WDTC1: variants seen among roughly 807,000 people sequenced by gnomAD.
The protein encoded by WDTC1 is WD and tetratricopeptide repeats protein 1.
In WDTC1, 12 loss-of-function variants were observed where a neutral mutation model predicts 76.0. The ratio of observed to expected loss-of-function variants is 0.16; its 90% confidence interval spans 0.10 to 0.26. The LOEUF (loss-of-function observed/expected upper bound fraction) is 0.26. Among genes scored for constraint, WDTC1 ranks in the 10% least tolerant of loss-of-function variants. The pLI is 1.00. For missense variants in WDTC1, 511 were observed against 908.8 expected (o/e 0.56, Z 5.63); for synonymous variants, 326 against 350.8 (o/e 0.93, Z 0.79).
Position 27,276,881 on chromosome 1 carries a change from C to G in WDTC1, c.133-5358C>G, listed in dbSNP as rs182221964. On this transcript the variant is annotated intron_variant, in intron 3 of 15. Coordinates refer to ENST00000319394, the MANE Select transcript of WDTC1 (RefSeq NM_001276252.2). ...GAAATGTCTGTTGAGATGCTTCACT[C>G]ATTTTTTAATTGGGTTGTCCTTTTT... 1.3e-3 allele frequency among the ~76,000 whole-genome samples: 205 copies of G among 151,996 alleles called. 1 individual carries two copies. The East Asian group carries it at 0.017, about 12-fold the overall frequency.
chr1:27,269,028 T>A (rs1025063754), intron 3 of WDTC1, among the ~76,000 whole-genome samples: 2 of 149,088 alleles, frequency 1.3e-5, no homozygotes, highest in Admixed American at 6.7e-5. Flanking sequence ...GATACTTTTT[T>A]AAATTAAAAA....
At chr1:27,288,243 C>A (rs2013400888) in intron 6 of WDTC1, among the ~76,000 whole-genome samples, 1 of 152,204 alleles carries the variant, frequency 6.6e-6, no homozygotes, top group Non-Finnish European at 1.5e-5. Context: ...AGCACCTTCT[C>A]TGACCATCCT....
At chr1:27,264,869 C>T (rs2012610762) in intron 3 of WDTC1, among the ~76,000 whole-genome samples, 1 of 151,930 alleles carries the variant, frequency 6.6e-6, no homozygotes, top group South Asian at 2.1e-4. Flanking sequence ...GTGGTGCCAT[C>T]ATGGCTCACT....
At chr1:27,263,655 C>T (rs1027413369) in intron 3 of WDTC1, among the ~76,000 whole-genome samples, 7 of 152,054 alleles carry the variant, frequency 4.6e-5, no homozygotes, top group African/African-American at 1.4e-4. Flanking sequence ...AGGATGGTCT[C>T]GATCTCCTGA....
intron 1 of WDTC1, among the ~76,000 whole-genome samples, chr1:27,244,599 G>A (rs1022490323): frequency 3.9e-5 from 6 of 152,008 alleles, no homozygotes; most frequent in South Asian, 2.1e-4. Context: ...CTCCTGCCTC[G>A]GTCTCCCAAA....
chr1:27,289,227 GGGT>G, intron 6 of WDTC1, among the ~76,000 whole-genome samples: 1 of 151,624 alleles, frequency 6.6e-6, no homozygotes, highest in South Asian at 2.1e-4. Context: ...TTCCCAGACG[GGGT>G]GGTTGCCGGG....
intron 1 of WDTC1, among the ~76,000 whole-genome samples, chr1:27,249,183 C>T (rs2011951915): frequency 6.6e-6 from 1 of 151,262 alleles, no homozygotes; most frequent in Non-Finnish European, 1.5e-5. Flanking sequence ...GCATGAGAAT[C>T]ACTTGAACCT....
In WDTC1 at chr1:27,301,546, T is replaced by A; in HGVS notation, c.1468+85T>A. On this transcript the variant is annotated intron_variant, in intron 13 of 15. Coordinates refer to ENST00000319394, the MANE Select transcript of WDTC1 (RefSeq NM_001276252.2). The surrounding 1 kb of genome is among the most constrained non-coding windows in gnomAD (Gnocchi z 5.8). ...TTCTGGAGAGGTCATGGTTCTGGGA[T>A]TGGAGAGGCCTGGGTTCAGATGTTG... The A allele has an allele frequency of 6.8e-7, 1 of 1,463,448 alleles. No homozygotes were observed. Among genetic ancestry groups the A allele is most frequent in the Non-Finnish European group, 9.3e-7 (1 of 1,071,504 alleles). The allele number at this position is 1,463,448 out of a possible 1,614,324, so 90.7% of individuals were successfully genotyped here.
chr1:27,252,394 C>T (rs77231721), intron 1 of WDTC1, among the ~76,000 whole-genome samples: 1,929 of 152,084 alleles, frequency 0.013, 23 homozygotes, highest in East Asian at 0.024. Context: ...TCCTCTAGCT[C>T]GAGAAATTTT....
chr1:27,277,196 C>T (rs2013057209), intron 3 of WDTC1, among the ~76,000 whole-genome samples: 1 of 152,084 alleles, frequency 6.6e-6, no homozygotes, highest in Admixed American at 6.6e-5. Flanking sequence ...CCATGCCCAA[C>T]TAAACTTTTT....
Position 27,283,344 on chromosome 1 carries a change from G to T in WDTC1, c.186G>T (p.Leu62=). The change falls in exon 5 of 16, where the codon CTG becomes CTT. Residue 62 remains leucine, a synonymous_variant. Transcript: ENST00000319394. ...CLEWNEKGDL[L]ASGSDDQHTI... ...TCCCTCACTCTGCTTTCAGCTTGCT[G>T]GCCTCTGGTTCCGATGACCAGCACA... 2 of 1,613,714 alleles carry T rather than the reference G, an allele frequency of 1.2e-6. No individual in the cohort carries two copies. Among genetic ancestry groups the T allele is most frequent in the Admixed American group, 3.3e-5 (2 of 60,014 alleles).
At chr1:27,243,962 CAAAAAA>C in intron 1 of WDTC1, among the ~76,000 whole-genome samples, 1 of 122,162 alleles carries the variant, frequency 8.2e-6, no homozygotes, top group African/African-American at 3.1e-5. Flanking sequence ...CCCATCTCTA[CAAAAAA>C]AAAAAAAAAA....
At chr1:27,257,662 A>G (rs1397341207) in intron 1 of WDTC1, among the ~76,000 whole-genome samples, 3 of 152,158 alleles carry the variant, frequency 2.0e-5, no homozygotes, top group African/African-American at 4.8e-5. Flanking sequence ...CTCAGCTGGT[A>G]TTCCTGGTGT....
At chr1:27,286,365 C>T (rs1187572467) in intron 5 of WDTC1, among the ~76,000 whole-genome samples, 1 of 151,508 alleles carries the variant, frequency 6.6e-6, no homozygotes, top group Non-Finnish European at 1.5e-5. Context: ...GATGCTCAGC[C>T]CTTCCCTATT....
chr1:27,279,435 G>T (rs1335150053), intron 3 of WDTC1, among the ~76,000 whole-genome samples: 1 of 152,148 alleles, frequency 6.6e-6, no homozygotes, highest in South Asian at 2.1e-4. Context: ...CTACTCAGGA[G>T]GCTGGGGTGG....
In WDTC1 at chr1:27,292,414, C is replaced by A; in HGVS notation, c.662+17C>A. The A allele has an allele frequency of 6.6e-7, 1 of 1,519,820 alleles. No homozygotes were observed. 94.1% of individuals were successfully genotyped at this position (1,519,820 alleles called of 1,614,324 possible). On this transcript the variant is annotated intron_variant, in intron 7 of 15. Transcript: ENST00000319394. ...TAACCACAGGTATGAATAGTTCAGC[C>A]TCCTGTCTCCTGTGAGTAAGTCCCC...
At chr1:27,238,705 A>G (rs2011544503) in intron 1 of WDTC1, among the ~76,000 whole-genome samples, 1 of 152,132 alleles carries the variant, frequency 6.6e-6, no homozygotes, top group African/African-American at 2.4e-5. Flanking sequence ...AGCTGGAATT[A>G]TAGGCATGTA....
chr1:27,259,258 C>T (rs892504237), intron 1 of WDTC1, among the ~76,000 whole-genome samples: 7 of 151,164 alleles, frequency 4.6e-5, no homozygotes, highest in Non-Finnish European at 7.4e-5. Flanking sequence ...CTCCCGGGCT[C>T]AAGTGATCTT....
At chr1:27,255,975 GTCA>G (rs1176148677) in intron 1 of WDTC1, among the ~76,000 whole-genome samples, 1 of 152,114 alleles carries the variant, frequency 6.6e-6, no homozygotes. Flanking sequence ...CAGCCTAAAT[GTCA>G]TCTTCTCAGA....
Sources: allele counts gnomAD v4.1 joint callset (sites outside exome capture counted in the v4.1 genomes callset), GRCh38; gene constraint gnomAD v4.1.1; non-coding constraint Gnocchi (gnomAD v3.1); transcripts MANE v1.5; gene names NCBI Gene and HGNC (gene_info 2026-07-23, HGNC 2026-07-21).